TBPL1: variants seen among roughly 807,000 people sequenced by gnomAD.
TBPL1 encodes the protein TATA box-binding protein-like 1.
TBPL1 carries 4 observed loss-of-function variants against 22.1 expected under a neutral mutation model. That is an observed-to-expected ratio of 0.18 (90% CI 0.09 to 0.41). The LOEUF is 0.41. Among genes scored for constraint, TBPL1 ranks in the 10% least tolerant of loss-of-function variants. The probability of loss-of-function intolerance (pLI) is 1.00; values close to 1 mark genes in which losing one functional copy is unlikely to be tolerated. For synonymous variants in TBPL1, 64 were observed against 71.0 expected (o/e 0.90, Z 0.50); for missense variants, 115 against 222.3 (o/e 0.52, Z 3.07).
At position 133,987,648 on chromosome 6, in the gene TBPL1, G is replaced by GTGTATATATA. The variant is rs200249148; in HGVS notation, c.*609_*610insGTATATATAT. On this transcript the variant is annotated 3_prime_UTR_variant, in exon 7 of 7. Coordinates refer to ENST00000237264, the MANE Select transcript of TBPL1 (RefSeq NM_004865.4). ...TTTGTGTGTGTGTGTGTGTGTGTGT[G>GTGTATATATA]TATATATATATATATATATGCACCA... The GTGTATATATA allele has an allele frequency of 9.1e-5, 8 of 88,320 alleles. No homozygotes were observed. Among genetic ancestry groups the GTGTATATATA allele is most frequent in the African/African-American group, 2.5e-4 (7 of 27,502 alleles). 5.5% of individuals were successfully genotyped at this position (88,320 alleles called of 1,614,324 possible). A position where few individuals can be genotyped will look rare whatever the true frequency, so the allele number is the denominator to read the frequency against.
intron 1 of TBPL1, among the ~76,000 whole-genome samples, chr6:133,970,910 C>T (rs1188987403): frequency 2.0e-5 from 3 of 152,258 alleles, no homozygotes; most frequent in Non-Finnish European, 1.5e-5. Flanking sequence ...GGTAGGGCAT[C>T]TGTCACCTCA....
At chr6:133,985,143 G>T (rs1776484577) in intron 6 of TBPL1, among the ~76,000 whole-genome samples, 1 of 151,096 alleles carries the variant, frequency 6.6e-6, no homozygotes, top group South Asian at 2.1e-4. Flanking sequence ...GCTGGGCGTG[G>T]TGGTGAACGC....
chr6:133,977,233 ACTT>A (rs910955772), intron 1 of TBPL1, among the ~76,000 whole-genome samples: 2 of 151,978 alleles, frequency 1.3e-5, no homozygotes, highest in Non-Finnish European at 2.9e-5. Flanking sequence ...TTAATTGAAA[ACTT>A]CTTATTAAAG....
At chr6:133,982,508 GA>G in intron 2 of TBPL1, 59 bp from the exon 3 acceptor site, 1 of 1,486,314 alleles carries the variant, frequency 6.7e-7, no homozygotes, top group Admixed American at 1.8e-5. Context: ...TGACTATATA[GA>G]ACAGAACCTT....
chr6:133,965,247 A>G (rs1179174618), intron 1 of TBPL1, among the ~76,000 whole-genome samples: 1 of 152,206 alleles, frequency 6.6e-6, no homozygotes, highest in Non-Finnish European at 1.5e-5. Flanking sequence ...TTCTCAGTAA[A>G]GAGATGAAAC....
chr6:133,958,852 GGTTTT>G (rs1312470587), intron 1 of TBPL1, among the ~76,000 whole-genome samples: 1 of 152,044 alleles, frequency 6.6e-6, no homozygotes, highest in Non-Finnish European at 1.5e-5. Flanking sequence ...ATGTTGTGCT[GGTTTT>G]GTTTATTTGT....
Position 133,982,564 on chromosome 6 carries a change from C to T in TBPL1, c.136-4C>T, listed in dbSNP as rs1469564745. 2 of 1,608,168 alleles carry T rather than the reference C, an allele frequency of 1.2e-6. No individual in the cohort carries two copies. Among genetic ancestry groups the T allele is most frequent in the Admixed American group, 1.7e-5 (1 of 58,812 alleles). ...TGAGGTAATCAGATTTTTTTTCCCC[C>T]CAGAAAGTATTAATGAAGCTTAGAA... On this transcript the variant is annotated splice_polypyrimidine_tract_variant and splice_region_variant and intron_variant, in intron 2 of 6. Transcript: ENST00000237264.
chr6:133,984,126 T>C (rs1776465687), intron 4 of TBPL1, among the ~76,000 whole-genome samples: 1 of 152,190 alleles, frequency 6.6e-6, no homozygotes, highest in South Asian at 2.1e-4. Context: ...ATTAAACATA[T>C]GATTAGAAAG....
intron 1 of TBPL1, among the ~76,000 whole-genome samples, chr6:133,963,764 C>T (rs1776064664): frequency 6.6e-6 from 1 of 151,364 alleles, no homozygotes; most frequent in South Asian, 2.1e-4. Flanking sequence ...GGCGCGGTGG[C>T]TCACGCCTGT....
At chr6:133,967,521 A>T (rs1776140032) in intron 1 of TBPL1, among the ~76,000 whole-genome samples, 1 of 152,184 alleles carries the variant, frequency 6.6e-6, no homozygotes, top group Non-Finnish European at 1.5e-5. Context: ...CATCACGTGA[A>T]CATCATAGAG....
chr6:133,985,298 ATATATATATATATATATAT>A lies in TBPL1; in HGVS notation c.481+628_481+646del, dbSNP rs375240812. ...GTCTAAAAAAAAAAAAAAAAAAAAA[ATATATATATATATATATAT>A]ATATATATATATATATATATACACA... is the stretch of plus-strand genomic sequence containing the variant. On this transcript the variant is annotated intron_variant, in intron 6 of 6. Coordinates refer to ENST00000237264, the MANE Select transcript of TBPL1 (RefSeq NM_004865.4). 4.3e-3 allele frequency among the ~76,000 whole-genome samples: 134 copies of A among 31,126 alleles called. 30 individuals are homozygous for A. The highest frequency in any genetic ancestry group is 6.9e-3 in the Admixed American group (13 of 1,880). 20.4% of individuals were successfully genotyped at this position (31,126 alleles called of 152,430 possible).
At chr6:133,954,882 AG>A (rs1775900453) in intron 1 of TBPL1, among the ~76,000 whole-genome samples, 1 of 152,100 alleles carries the variant, frequency 6.6e-6, no homozygotes, top group Non-Finnish European at 1.5e-5. Context: ...TTCCTGAATG[AG>A]GGCTAGCCAG....
At chr6:133,963,934 G>T (rs1259949690) in intron 1 of TBPL1, among the ~76,000 whole-genome samples, 6 of 151,774 alleles carry the variant, frequency 4.0e-5, no homozygotes, top group African/African-American at 1.5e-4. Flanking sequence ...GCAGCTACTC[G>T]GGAGGCTGAG....
chr6:133,977,585 A>G (rs771221652), intron 1 of TBPL1, among the ~76,000 whole-genome samples: 1 of 152,198 alleles, frequency 6.6e-6, no homozygotes, highest in Non-Finnish European at 1.5e-5. Flanking sequence ...AGTAAATTTG[A>G]TAGTTGATTC....
rs1485346237 is a variant in TBPL1 at position 133,989,030 on chromosome 6, A to G, written c.*1990A>G. ...GATCAATAGATAATCGAAGTGCTTT[A>G]TCTGAAGGGAGAGGGTAAAGACAGT... On this transcript the variant is annotated 3_prime_UTR_variant, in exon 7 of 7. Coordinates refer to ENST00000237264, the MANE Select transcript of TBPL1 (RefSeq NM_004865.4). 1 of 152,148 alleles carries G rather than the reference A, an allele frequency of 6.6e-6. No homozygotes were observed. The highest frequency in any genetic ancestry group is 1.5e-5 in the Non-Finnish European group (1 of 68,020). The allele number at this position is 152,148 out of a possible 1,614,324, so 9.4% of individuals were successfully genotyped here.
At chr6:133,977,644 G>T (rs962129914) in intron 1 of TBPL1, among the ~76,000 whole-genome samples, 5 of 152,224 alleles carry the variant, frequency 3.3e-5, no homozygotes, top group African/African-American at 7.2e-5. Context: ...TTATCCTCAA[G>T]GGATGTGCAA....
chr6:133,966,717 T>A (rs1776124777), intron 1 of TBPL1, among the ~76,000 whole-genome samples: 3 of 152,158 alleles, frequency 2.0e-5, no homozygotes, highest in Admixed American at 2.0e-4. Context: ...CCTGCAGTCA[T>A]TCTCCATCTC....
intron 2 of TBPL1, among the ~76,000 whole-genome samples, chr6:133,982,160 G>A (rs928009489): frequency 6.6e-6 from 1 of 152,222 alleles, no homozygotes. Flanking sequence ...CCTGAATGAA[G>A]TGAGAATATT....
chr6:133,954,797 G>A (rs905525892), intron 1 of TBPL1, among the ~76,000 whole-genome samples: 2 of 151,948 alleles, frequency 1.3e-5, no homozygotes, highest in African/African-American at 4.8e-5. Context: ...TCCTCTTTAC[G>A]TACCCTCTGC....
Sources: gnomAD v4.1 joint callset for allele counts (sites outside exome capture counted in the v4.1 genomes callset) on GRCh38, gnomAD v4.1.1 for gene constraint, MANE v1.5 for transcripts, NCBI Gene and HGNC (gene_info 2026-07-23, HGNC 2026-07-21) for gene names.